The following UBE2G1 variants were observed in gnomAD, a reference collection of about 807,000 sequenced individuals.
UBE2G1 encodes ubiquitin-conjugating enzyme E2 G1.
In UBE2G1, 5 loss-of-function variants were observed where a neutral mutation model predicts 22.7. The ratio of observed to expected loss-of-function variants is 0.22; its 90% confidence interval spans 0.12 to 0.46. UBE2G1 has a LOEUF of 0.46. Among genes scored for constraint, UBE2G1 ranks in the 20% least tolerant of loss-of-function variants. The pLI is 0.99. For missense variants in UBE2G1, 88 were observed against 203.9 expected, an observed-to-expected ratio of 0.43 and a Z score of 3.46; for synonymous variants, 74 against 67.5, an observed-to-expected ratio of 1.10 and a Z score of -0.47.
At chr17:4,349,243 C>A (rs559437294) in intron 1 of UBE2G1, among the ~76,000 whole-genome samples, 1 of 152,208 alleles carries the variant, frequency 6.6e-6, no homozygotes, top group South Asian at 2.1e-4. Flanking sequence ...TTGCTTGAAC[C>A]CGGGAGGCAG....
At chr17:4,325,099 A>G (rs1474040731) in intron 1 of UBE2G1, among the ~76,000 whole-genome samples, 8 of 151,886 alleles carry the variant, frequency 5.3e-5, no homozygotes, top group Non-Finnish European at 8.8e-5. Flanking sequence ...CAAACAAACA[A>G]AAAAAACAAA....
chr17:4,291,087 G>A (rs546912956), intron 3 of UBE2G1, among the ~76,000 whole-genome samples: 6 of 152,270 alleles, frequency 3.9e-5, no homozygotes, highest in Admixed American at 6.5e-5. Context: ...AGGGCCGGGC[G>A]TGGTGGCTCA....
rs1261964509 is a variant in UBE2G1, at chr17:4,269,768, G to GA, written c.*2785dup. On this transcript the variant is annotated 3_prime_UTR_variant, in exon 6 of 6. Coordinates refer to ENST00000396981, the MANE Select transcript of UBE2G1 (RefSeq NM_003342.5). ...CTACGAGAACTTGGAATAAATTTAG[G>GA]AAACAGCCAACAGTTCTACAATCCA... 2 of 186,080 alleles carry GA rather than the reference G, an allele frequency of 1.1e-5. No homozygotes were observed. Among genetic ancestry groups the GA allele is most frequent in the Non-Finnish European group, 2.3e-5 (2 of 88,726 alleles). The allele number at this position is 186,080 out of a possible 1,614,324, so 11.5% of individuals were successfully genotyped here. A position where few individuals can be genotyped will look rare whatever the true frequency, so the allele number is the denominator to read the frequency against.
At chr17:4,357,509 G>GT (rs1491181108) in intron 1 of UBE2G1, among the ~76,000 whole-genome samples, 2 of 43,772 alleles carry the variant, frequency 4.6e-5, no homozygotes, top group African/African-American at 2.0e-4. Context: ...GTGTGTGTGT[G>GT]GGGGGGGGGG....
At chr17:4,344,593 G>A (rs1463263754) in intron 1 of UBE2G1, among the ~76,000 whole-genome samples, 10 of 151,442 alleles carry the variant, frequency 6.6e-5, no homozygotes, top group Middle Eastern at 3.4e-3. Flanking sequence ...AGCCAGGTGC[G>A]GTGACTCACA....
At chr17:4,307,523 A>C (rs1019416962) in intron 1 of UBE2G1, among the ~76,000 whole-genome samples, 2 of 152,188 alleles carry the variant, frequency 1.3e-5, no homozygotes, top group African/African-American at 4.8e-5. Flanking sequence ...CAGAGTGTCT[A>C]ATCATACCTT....
intron 1 of UBE2G1, among the ~76,000 whole-genome samples, chr17:4,343,692 C>T (rs1025504999): frequency 2.6e-5 from 4 of 151,872 alleles, no homozygotes; most frequent in Non-Finnish European, 4.4e-5. Flanking sequence ...GGGTTCACGC[C>T]ATTCTCCTGC....
At chr17:4,345,154 C>T (rs1969755055) in intron 1 of UBE2G1, among the ~76,000 whole-genome samples, 1 of 152,140 alleles carries the variant, frequency 6.6e-6, no homozygotes. Context: ...ACAAGGAAGT[C>T]CAAGCCCCTC....
chr17:4,359,777 G>A (rs1305984092), intron 1 of UBE2G1, among the ~76,000 whole-genome samples: 3 of 151,582 alleles, frequency 2.0e-5, no homozygotes, highest in African/African-American at 4.8e-5. Context: ...ACTTGAACCC[G>A]GGAGGCAGAG....
rs1397772933 is a variant in UBE2G1 at position 4,269,631 on chromosome 17, G to T, written c.*2923C>A. 2 of 186,102 alleles carry T rather than the reference G, an allele frequency of 1.1e-5. No homozygotes were observed. The highest frequency in any genetic ancestry group is 2.3e-5 in the Non-Finnish European group (2 of 88,760). The allele number at this position is 186,102 out of a possible 1,614,324, so 11.5% of individuals were successfully genotyped here. A position where few individuals can be genotyped will look rare whatever the true frequency, so the allele number is the denominator to read the frequency against. On this transcript the variant is annotated 3_prime_UTR_variant, in exon 6 of 6. Coordinates refer to ENST00000396981, the MANE Select transcript of UBE2G1 (RefSeq NM_003342.5). Reference sequence around the variant, plus strand: ...ACTAGTGGAATAACCTCACAAACATGTTACCTTAGTATGACACGTCAACCT... The same window carrying T: ...ACTAGTGGAATAACCTCACAAACATTTTACCTTAGTATGACACGTCAACCT...
intron 3 of UBE2G1, among the ~76,000 whole-genome samples, chr17:4,291,965 C>A (rs189356815): frequency 7.3e-4 from 111 of 152,172 alleles, no homozygotes; most frequent in African/African-American, 2.6e-3. Context: ...TAGTTTTCCC[C>A]ATATAATTTT....
At chr17:4,299,843 T>C (rs77931630) in intron 2 of UBE2G1, among the ~76,000 whole-genome samples, 3 of 112,048 alleles carry the variant, frequency 2.7e-5, no homozygotes, top group Non-Finnish European at 4.1e-5. Context: ...TTTTTTTTTT[T>C]GGAGATGGAG....
At chr17:4,295,918 C>T (rs1447261167) in intron 3 of UBE2G1, among the ~76,000 whole-genome samples, 3 of 146,674 alleles carry the variant, frequency 2.0e-5, no homozygotes, top group Non-Finnish European at 4.5e-5. Context: ...AATGTCATCA[C>T]TACGTGCACA....
At chr17:4,350,820 C>T (rs748043835) in intron 1 of UBE2G1, among the ~76,000 whole-genome samples, 1 of 151,912 alleles carries the variant, frequency 6.6e-6, no homozygotes, top group African/African-American at 2.4e-5. Context: ...ATCACGAGGT[C>T]AGGAGGTCGA....
At chr17:4,274,075 G>C (rs1968791992) in intron 5 of UBE2G1, among the ~76,000 whole-genome samples, 1 of 151,382 alleles carries the variant, frequency 6.6e-6, no homozygotes, top group Non-Finnish European at 1.5e-5. Context: ...CCGCCTCCCT[G>C]GTTCACGCCA....
rs762843929 is a variant in UBE2G1 at position 4,282,941 on chromosome 17, T to C, written c.427-20A>G. The C allele has an allele frequency of 1.3e-6, 2 of 1,591,292 alleles. No individual in the cohort carries two copies. The highest frequency in any genetic ancestry group is 1.1e-5 in the South Asian group (1 of 88,044). On this transcript the variant is annotated intron_variant, in intron 4 of 5. Transcript: ENST00000396981. ...TTCTTTCTGTAGATTAAAAAAGCAG[T>C]ATCAAGTGATTTCATGCAAACTCCC...
chr17:4,297,651 C>G (rs997729071), intron 2 of UBE2G1, among the ~76,000 whole-genome samples: 1 of 152,142 alleles, frequency 6.6e-6, no homozygotes, highest in African/African-American at 2.4e-5. Flanking sequence ...GGCCTTGGTA[C>G]TAAATATTTC....
At chr17:4,340,735 T>C (rs1460018551) in intron 1 of UBE2G1, among the ~76,000 whole-genome samples, 1 of 152,022 alleles carries the variant, frequency 6.6e-6, no homozygotes, top group Non-Finnish European at 1.5e-5. Context: ...TTCTTTATAG[T>C]AGCATGAGAA....
At chr17:4,366,228 G>C (rs752169922) in intron 1 of UBE2G1, 43 bp downstream of exon 1, 1 of 1,510,500 alleles carries the variant, frequency 6.6e-7, no homozygotes, top group Admixed American at 2.1e-5. Flanking sequence ...GCGGCTGTCC[G>C]CGATCGCGGC....
Sources: allele counts gnomAD v4.1 joint callset (sites outside exome capture counted in the v4.1 genomes callset), GRCh38; gene constraint gnomAD v4.1.1; transcripts MANE v1.5; gene names NCBI Gene and HGNC (gene_info 2026-07-23, HGNC 2026-07-21).